PLCH1: variants seen among roughly 807,000 people sequenced by gnomAD.
PLCH1 encodes the protein 1-phosphatidylinositol 4,5-bisphosphate phosphodiesterase eta-1.
In PLCH1, 60 loss-of-function variants were observed where a neutral mutation model predicts 126.7. That is an observed-to-expected ratio of 0.47 (90% CI 0.38 to 0.59). The LOEUF (loss-of-function observed/expected upper bound fraction) is 0.59. PLCH1 is among the 20% of genes least tolerant of loss of function. The pLI is 0.00. For synonymous variants in PLCH1, 719 were observed against 734.9 expected, an observed-to-expected ratio of 0.98 and a Z score of 0.35; for missense variants, 1,723 against 2,040.0, an observed-to-expected ratio of 0.84 and a Z score of 2.99.
At chr3:155,688,483 T>G (rs531702333) in intron 2 of PLCH1, among the ~76,000 whole-genome samples, 2 of 152,312 alleles carry the variant, frequency 1.3e-5, no homozygotes, top group South Asian at 2.1e-4. Context: ...TCCCCACTGC[T>G]GGGACACCAA....
chr3:155,499,262 A>C (rs1225909499), intron 14 of PLCH1, among the ~76,000 whole-genome samples: 1 of 152,160 alleles, frequency 6.6e-6, no homozygotes, highest in Non-Finnish European at 1.5e-5. Context: ...ATAGGAGAAA[A>C]GTGGGTAAGT....
intron 2 of PLCH1, among the ~76,000 whole-genome samples, chr3:155,630,525 T>C (rs1737901231): frequency 6.6e-6 from 1 of 152,248 alleles, no homozygotes; most frequent in South Asian, 2.1e-4. Context: ...ATCAGGTCTT[T>C]GGGCTGCCTG....
Position 155,677,950 on chromosome 3 carries a change from G to A in PLCH1, c.79+26196C>T, listed in dbSNP as rs116611800. Among the ~76,000 whole-genome samples the A allele has an allele frequency of 2.3e-3, 344 of 152,168 alleles. 4 individuals are homozygous for A. The highest frequency in any genetic ancestry group is 7.5e-3 in the African/African-American group (312 of 41,498). On this transcript the variant is annotated intron_variant, in intron 2 of 22. Coordinates refer to ENST00000460012, the MANE Select transcript of PLCH1 (RefSeq NM_014996.4). ...CACAAAATTGGTAACACCAAGTAAC[G>A]AATATCTCGTTCCTTTGTCTGCCCA...
chr3:155,481,792 T>G lies in PLCH1; in HGVS notation c.4234A>C (p.Ile1412Leu), dbSNP rs538784817. The G allele has an allele frequency of 6.2e-6, 10 of 1,614,196 alleles. No individual in the cohort carries two copies. The East Asian group carries it at 2.0e-4, about 32-fold the overall frequency. ...TTGACATCTTGAATATTGTTGAATA[T>G]TTCAGGGACAGAAGGGCGGAGGGTC... ...KETLRPSVPE[I>L]FNNIQDVKTQ... Residue 1412 changes from isoleucine to leucine, a missense_variant, in exon 23 of 23, where the codon ATA becomes CTA. Ile to Leu is a conservative substitution (Grantham distance 5, BLOSUM62 2). Coordinates refer to ENST00000460012, the MANE Select transcript of PLCH1 (RefSeq NM_014996.4). This position sits in a 1 kb window ranked among gnomAD's most constrained non-coding sequence, Gnocchi z 4.2.
At chr3:155,484,596 C>A (rs1044229758) in intron 22 of PLCH1, among the ~76,000 whole-genome samples, 2 of 152,190 alleles carry the variant, frequency 1.3e-5, no homozygotes, top group Admixed American at 6.5e-5. Context: ...GCAGAGATAT[C>A]AAATGCACAC....
intron 21 of PLCH1, among the ~76,000 whole-genome samples, chr3:155,462,710 T>C (rs1712774587): frequency 6.6e-6 from 1 of 152,196 alleles, no homozygotes; most frequent in African/African-American, 2.4e-5. Flanking sequence ...GTCAACCGTT[T>C]GCATTGTTTC....
intron 1 of PLCH1, among the ~76,000 whole-genome samples, chr3:155,712,759 A>G (rs1272009278): frequency 6.6e-6 from 1 of 151,556 alleles, no homozygotes; most frequent in Non-Finnish European, 1.5e-5. Flanking sequence ...AAATAAATAA[A>G]TAAATAACTT....
At chr3:155,739,004 A>G (rs1280095071) in intron 1 of PLCH1, among the ~76,000 whole-genome samples, 1 of 152,180 alleles carries the variant, frequency 6.6e-6, no homozygotes, top group Non-Finnish European at 1.5e-5. Flanking sequence ...CTCAGCCACC[A>G]ATTGGCTGTG....
chr3:155,504,368 C>A (rs1424115989), intron 13 of PLCH1, among the ~76,000 whole-genome samples, 187 bp downstream of exon 13: 1 of 152,094 alleles, frequency 6.6e-6, no homozygotes, highest in East Asian at 1.9e-4. Context: ...ATGCAACTTG[C>A]TTTTTGATAC....
At chr3:155,669,884 A>T (rs1484803806) in intron 2 of PLCH1, among the ~76,000 whole-genome samples, 1 of 152,168 alleles carries the variant, frequency 6.6e-6, no homozygotes, top group Non-Finnish European at 1.5e-5. Context: ...TCTTTTGTTG[A>T]TCACATAAAA....
chr3:155,570,879 T>C (rs1410933536), intron 6 of PLCH1, among the ~76,000 whole-genome samples: 2 of 152,224 alleles, frequency 1.3e-5, no homozygotes, highest in African/African-American at 4.8e-5. Context: ...AAATCATTTC[T>C]TTACTTCAAA....
chr3:155,722,256 C>T (rs1748007941), intron 1 of PLCH1, among the ~76,000 whole-genome samples: 1 of 151,898 alleles, frequency 6.6e-6, no homozygotes, highest in Non-Finnish European at 1.5e-5. Flanking sequence ...CTCTGCCTCC[C>T]GGGTTCAAGC....
At chr3:155,697,004 T>A (rs1195339077) in intron 2 of PLCH1, among the ~76,000 whole-genome samples, 1 of 152,166 alleles carries the variant, frequency 6.6e-6, no homozygotes, top group Non-Finnish European at 1.5e-5. Flanking sequence ...AATTTGCCAT[T>A]TAAAGAGCAC....
At chr3:155,716,061 TTTG>T (rs1239469019) in intron 1 of PLCH1, among the ~76,000 whole-genome samples, 1 of 152,236 alleles carries the variant, frequency 6.6e-6, no homozygotes, top group African/African-American at 2.4e-5. Context: ...TCATAGTATT[TTTG>T]TTATCATTCA....
chr3:155,495,595 A>G (rs552888797), intron 15 of PLCH1, among the ~76,000 whole-genome samples: 2 of 152,252 alleles, frequency 1.3e-5, no homozygotes, highest in South Asian at 4.1e-4. Context: ...TGAACTGTAT[A>G]TGGTCTCGCT....
chr3:155,536,702 T>C (rs942624736), intron 10 of PLCH1, among the ~76,000 whole-genome samples: 4 of 152,122 alleles, frequency 2.6e-5, no homozygotes, highest in Non-Finnish European at 4.4e-5. Context: ...CTAAGAATAC[T>C]TGGTGTTCCC....
At chr3:155,650,040 G>A (rs537560745) in intron 2 of PLCH1, among the ~76,000 whole-genome samples, 7 of 152,154 alleles carry the variant, frequency 4.6e-5, no homozygotes, top group East Asian at 1.9e-4. Context: ...ACAGGGAGGC[G>A]TGAGGGAGGA....
At chr3:155,527,690 T>C (rs923787482) in intron 10 of PLCH1, among the ~76,000 whole-genome samples, 3 of 151,696 alleles carry the variant, frequency 2.0e-5, no homozygotes, top group African/African-American at 4.8e-5. Flanking sequence ...CCGAGGGAGA[T>C]TGGTGGATCA....
At chr3:155,706,598 C>T (rs940507404) in intron 1 of PLCH1, among the ~76,000 whole-genome samples, 72 of 146,398 alleles carry the variant, frequency 4.9e-4, no homozygotes, top group African/African-American at 1.6e-3. Flanking sequence ...CCGGCCTGGG[C>T]GACAAAGACT....
Sources: allele counts gnomAD v4.1 joint callset (sites outside exome capture counted in the v4.1 genomes callset), GRCh38; gene constraint gnomAD v4.1.1; non-coding constraint Gnocchi (gnomAD v3.1); transcripts MANE v1.5; gene names NCBI Gene and HGNC (gene_info 2026-07-23, HGNC 2026-07-21).